ARFGAP2: variants seen among roughly 807,000 people sequenced by gnomAD.
The protein encoded by ARFGAP2 is ADP-ribosylation factor GTPase-activating protein 2.
ARFGAP2 carries 45 observed loss-of-function variants against 71.9 expected under a neutral mutation model. The observed-to-expected ratio is 0.63, with a 90% CI of 0.49 to 0.80. The LOEUF is 0.80. Ranked by LOEUF, ARFGAP2 falls within the 30% of genes least tolerant of loss-of-function variation. The pLI is 0.00. For missense variants in ARFGAP2, 633 were observed against 673.9 expected (o/e 0.94, Z 0.67); for synonymous variants, 248 against 249.2 (o/e 1.00, Z 0.05).
At chr11:47,172,554 T>TGAAGCACCAGAGACGTCC (rs962823318) in intron 7 of ARFGAP2, among the ~76,000 whole-genome samples, 5 of 152,136 alleles carry the variant, frequency 3.3e-5, no homozygotes, top group African/African-American at 1.2e-4. Context: ...AACCTAGACC[T>TGAAGCACCAGAGACGTCC]GAAGCACCAG....
chr11:47,165,359 C>T lies in ARFGAP2; in HGVS notation c.*123G>A. The T allele has an allele frequency of 3.0e-6, 4 of 1,332,424 alleles. No individual in the cohort carries two copies. Among genetic ancestry groups the T allele is most frequent in the Non-Finnish European group, 4.1e-6 (4 of 977,622 alleles). 82.5% of individuals were successfully genotyped at this position (1,332,424 alleles called of 1,614,324 possible). ...TGAGCGCCTCAAAGGCCACCCCACACACACACCACACATACGAAGTAACAA... is the reference window on the plus strand; with the variant it reads ...TGAGCGCCTCAAAGGCCACCCCACATACACACCACACATACGAAGTAACAA... On this transcript the variant is annotated 3_prime_UTR_variant, in exon 16 of 16. Coordinates refer to ENST00000524782, the MANE Select transcript of ARFGAP2 (RefSeq NM_032389.6).
At chr11:47,171,839 C>G (rs775726655) in intron 8 of ARFGAP2, 39 bp from the exon 9 acceptor site, 29 of 1,608,942 alleles carry the variant, frequency 1.8e-5, no homozygotes, top group African/African-American at 2.7e-5. Context: ...CCCAATCACA[C>G]TCTCCTCAGA....
rs1263032900 is a variant in ARFGAP2, at chr11:47,176,638, G to C, written c.73-4C>G. On this transcript the variant is annotated splice_polypyrimidine_tract_variant and splice_region_variant and intron_variant, in intron 1 of 15. Coordinates refer to ENST00000524782, the MANE Select transcript of ARFGAP2 (RefSeq NM_032389.6). ...TGGCGCCGCAGTCGAAACAGGCCTG[G>C]GTGGAGGCGGCGATGAGCGAATCGT... 1 of 1,614,012 alleles carries C rather than the reference G, an allele frequency of 6.2e-7. No individual in the cohort carries two copies. The highest frequency in any genetic ancestry group is 8.5e-7 in the Non-Finnish European group (1 of 1,179,988).
At chr11:47,170,323 C>CAAAAAAAAAAA (rs34843394) in intron 10 of ARFGAP2, among the ~76,000 whole-genome samples, 1 of 73,928 alleles carries the variant, frequency 1.4e-5, no homozygotes, top group Non-Finnish European at 2.6e-5. Context: ...GACTCCATCT[C>CAAAAAAAAAAA]AAAAAAAAAA....
At chr11:47,170,145 T>G (rs1309869033) in intron 10 of ARFGAP2, among the ~76,000 whole-genome samples, 1 of 151,872 alleles carries the variant, frequency 6.6e-6, no homozygotes, top group Non-Finnish European at 1.5e-5. Context: ...GGCAACATGG[T>G]GAAACCCCAT....
At chr11:47,173,535 C>A in intron 6 of ARFGAP2, 53 bp from the exon 7 acceptor site, 1 of 1,513,730 alleles carries the variant, frequency 6.6e-7, no homozygotes, top group Non-Finnish European at 8.9e-7. Context: ...CCTGCAACCT[C>A]CCCTTGAAAG....
chr11:47,167,775 A>T, intron 12 of ARFGAP2, 134 bp downstream of exon 12: 1 of 1,149,742 alleles, frequency 8.7e-7, no homozygotes, highest in Non-Finnish European at 1.2e-6. Context: ...AGTAGTGGCT[A>T]CCATATTAAA....
At chr11:47,172,009 G>C in intron 8 of ARFGAP2, 1 of 802,254 alleles carries the variant, frequency 1.2e-6, no homozygotes, top group Non-Finnish European at 1.9e-6. Context: ...GCCCGGGCCT[G>C]AGGACGGCAG....
intron 7 of ARFGAP2, chr11:47,172,956 T>G: frequency 2.7e-6 from 1 of 373,840 alleles, no homozygotes; most frequent in South Asian, 2.1e-5. Context: ...AATGGACTGT[T>G]CGCCCTGAAC....
At chr11:47,174,841 T>G in intron 5 of ARFGAP2, 174 bp downstream of exon 5, 1 of 700,340 alleles carries the variant, frequency 1.4e-6, no homozygotes, top group Non-Finnish European at 2.5e-6. Context: ...GCACCTCCAT[T>G]TATGGAGGAG....
chr11:47,174,177 C>T (rs1280193500), intron 5 of ARFGAP2, among the ~76,000 whole-genome samples: 3 of 152,150 alleles, frequency 2.0e-5, no homozygotes, highest in African/African-American at 7.2e-5. Flanking sequence ...GAAGGAGCTA[C>T]ATCGCCATTT....
rs769293804 is a variant in ARFGAP2 at position 47,168,140 on chromosome 11, G to A, written c.1053C>T (p.Phe351=). ...QLDLFDDVGT[F]ASGPPKYKDN... ...AGCCTTACTTTGGGGGTCCAGAGGC[G>A]AAAGTACCAACATCGTCAAACAAGT... Residue 351 remains phenylalanine, a synonymous_variant, in exon 11 of 16, where the codon TTC becomes TTT. Transcript: ENST00000524782. 23 of 1,614,102 alleles carry A rather than the reference G, an allele frequency of 1.4e-5. No individual in the cohort carries two copies. The highest frequency in any genetic ancestry group is 1.1e-4 in the South Asian group (10 of 91,080).
At chr11:47,172,792 C>G in intron 7 of ARFGAP2, 1 of 1,289,636 alleles carries the variant, frequency 7.8e-7, no homozygotes, top group South Asian at 1.2e-5. Flanking sequence ...GAGGCCCACC[C>G]CAGAGCCTCC....
rs1952448358 is a variant in ARFGAP2, at chr11:47,167,900, C to T, written c.1205+9G>A. On this transcript the variant is annotated intron_variant, in intron 12 of 15. Coordinates refer to ENST00000524782, the MANE Select transcript of ARFGAP2 (RefSeq NM_032389.6). ...AAAGAAAGAAAAAAGAAAAAACAGC[C>T]CACTCTACCTTTCTGAAATAGGCCG... 4 of 1,581,296 alleles carry T rather than the reference C, an allele frequency of 2.5e-6. No homozygotes were observed. Among genetic ancestry groups the T allele is most frequent in the Non-Finnish European group, 3.4e-6 (4 of 1,167,096 alleles).
In ARFGAP2 at chr11:47,173,943, C is replaced by T. The variant is rs758724844; in HGVS notation, c.481-103G>A. Reference sequence around the variant, plus strand: ...TGTGGACAAGAAATCATACTCCAAACCCATGAGGAAAGGGACTGGAGGGTA... The same window carrying T: ...TGTGGACAAGAAATCATACTCCAAATCCATGAGGAAAGGGACTGGAGGGTA... On this transcript the variant is annotated intron_variant, in intron 5 of 15. Coordinates refer to ENST00000524782, the MANE Select transcript of ARFGAP2 (RefSeq NM_032389.6). 80 of 1,534,110 alleles carry T rather than the reference C, an allele frequency of 5.2e-5. 1 individual carries two copies. The South Asian group carries it at 9.0e-4, about 17-fold the overall frequency.
In ARFGAP2 at chr11:47,171,460, C is replaced by G. The variant is rs755280223; in HGVS notation, c.907G>C (p.Ala303Pro). Residue 303 changes from alanine (A) to proline (P), a missense_variant, in exon 10 of 16, where the codon GCA becomes CCA. Ala to Pro is a conservative substitution (Grantham distance 27). Coordinates refer to ENST00000524782, the MANE Select transcript of ARFGAP2 (RefSeq NM_032389.6). ...ACCAAGCCCATGCCCAACCTTTCTG[C>G]CTGCTCTCGCTTCTTCCCTTCCAGA... ...QNLEGKKREQ[A>P]ERLGMGLVSR... 2 of 1,614,244 alleles carry G rather than the reference C, an allele frequency of 1.2e-6. No homozygotes were observed. Among genetic ancestry groups the G allele is most frequent in the Non-Finnish European group, 1.7e-6 (2 of 1,180,040 alleles).
At position 47,173,747 on chromosome 11, in the gene ARFGAP2, G is replaced by A. The variant is rs1158353098; in HGVS notation, c.562+12C>T. On this transcript the variant is annotated intron_variant, in intron 6 of 15. Coordinates refer to ENST00000524782, the MANE Select transcript of ARFGAP2 (RefSeq NM_032389.6). ...GACCAGGGCACCTGGTTGGAATCTG[G>A]GCTGAACTCACGTGCCAGGCCACTG... 2 of 1,592,760 alleles carry A rather than the reference G, an allele frequency of 1.3e-6. No individual in the cohort carries two copies. Among genetic ancestry groups the A allele is most frequent in the Admixed American group, 3.5e-5 (2 of 57,578 alleles).
At chr11:47,165,535 AG>A (rs1565121719) in intron 15 of ARFGAP2, 33 bp from the exon 16 acceptor site, 3 of 1,464,030 alleles carry the variant, frequency 2.0e-6, no homozygotes, top group Middle Eastern at 1.9e-4. Flanking sequence ...AAAAAAAAAA[AG>A]TCAGAGGCTC....
chr11:47,175,334 C>G (rs1565132764), intron 3 of ARFGAP2, 21 bp from the exon 4 acceptor site: 1 of 1,613,964 alleles, frequency 6.2e-7, no homozygotes, highest in Non-Finnish European at 8.5e-7. Flanking sequence ...AAGAAGAGAG[C>G]AGCGCGTGCT....
Sources: gnomAD v4.1 joint callset for allele counts (sites outside exome capture counted in the v4.1 genomes callset) on GRCh38, gnomAD v4.1.1 for gene constraint, MANE v1.5 for transcripts, NCBI Gene and HGNC (gene_info 2026-07-23, HGNC 2026-07-21) for gene names.